TPRX1: variants seen among roughly 807,000 people sequenced by gnomAD.
TPRX1 encodes tetrapeptide repeat homeobox 1.
A neutral mutation model predicts 8.1 loss-of-function variants in TPRX1; 2 were observed. That is an observed-to-expected ratio of 0.25 (90% CI 0.10 to 0.78). The LOEUF (loss-of-function observed/expected upper bound fraction) is 0.78. Among genes scored for constraint, TPRX1 ranks in the 30% least tolerant of loss-of-function variants. The pLI is 0.70. For synonymous variants in TPRX1, 257 were observed against 254.1 expected (o/e 1.01, Z -0.11); for missense variants, 517 against 586.9 (o/e 0.88, Z 1.23).
At position 47,813,264 on chromosome 19, in the gene TPRX1, C is replaced by A. The variant is rs1401695122; in HGVS notation, c.151+5204G>T. On this transcript the variant is annotated intron_variant, in intron 2 of 3. Transcript: ENST00000535759. ...ATCGCTGGAGTCTGGGAGGTTGAGG[C>A]TGCAATGAGCAGTGATTCCCCGACC... is the stretch of plus-strand genomic sequence containing the variant. 2.0e-5 allele frequency among the ~76,000 whole-genome samples: 3 copies of A among 149,308 alleles called. 1 individual carries two copies. Among genetic ancestry groups the A allele is most frequent in the African/African-American group, 7.4e-5 (3 of 40,384 alleles).
At chr19:47,818,623 G>A (rs1053194900) in intron 1 of TPRX1, 3 of 452,124 alleles carry the variant, frequency 6.6e-6, no homozygotes, top group Non-Finnish European at 4.5e-6. Flanking sequence ...AGCTAAGGGG[G>A]TGCAGGTATG....
intron 2 of TPRX1, among the ~76,000 whole-genome samples, chr19:47,808,456 C>T (rs1967754343): frequency 1.3e-5 from 2 of 150,186 alleles, no homozygotes; most frequent in South Asian, 2.1e-4. Context: ...GACCGAGTCT[C>T]GATCTGTCAC....
intron 3 of TPRX1, 87 bp from the exon 3 acceptor site, chr19:47,803,067 C>T: frequency 2.1e-6 from 3 of 1,429,280 alleles, no homozygotes; most frequent in Non-Finnish European, 2.8e-6. Context: ...CAGCCTGAAG[C>T]CTCTCCCTGT....
intron 2 of TPRX1, among the ~76,000 whole-genome samples, chr19:47,811,549 A>G (rs1446876681): frequency 6.9e-6 from 1 of 145,450 alleles, no homozygotes; most frequent in East Asian, 2.0e-4. Context: ...CCCCGGCTAG[A>G]GTACAGTGGC....
chr19:47,813,055 T>C (rs34272872), intron 2 of TPRX1, among the ~76,000 whole-genome samples: 39,847 of 151,204 alleles, frequency 0.26, 5,699 homozygotes, highest in Middle Eastern at 0.36. Context: ...TACAGTGAGA[T>C]GAGCTCACAC....
chr19:47,813,729 C>T (rs1384714748), intron 2 of TPRX1, among the ~76,000 whole-genome samples: 1 of 151,776 alleles, frequency 6.6e-6, no homozygotes, highest in Non-Finnish European at 1.5e-5. Context: ...AAGGAGTTTT[C>T]ATTATATCCT....
rs1316271553 is a variant in TPRX1 at position 47,814,661 on chromosome 19, G to A, written c.151+3807C>T. 5.3e-5 allele frequency among the ~76,000 whole-genome samples: 8 copies of A among 152,250 alleles called. No homozygotes were observed. In the South Asian group the frequency reaches 1.5e-3, roughly 28 times the overall value. ...CCTCAGAGATGACCTGAGGTTTCCT[G>A]AGCTGGGAATGTTTTGGAAGGGTCT... is the stretch of plus-strand genomic sequence containing the variant. On this transcript the variant is annotated intron_variant, in intron 2 of 3. Coordinates refer to ENST00000535759, the Ensembl canonical transcript of TPRX1.
At chr19:47,813,329 A>T (rs1283328701) in intron 2 of TPRX1, among the ~76,000 whole-genome samples, 2 of 152,012 alleles carry the variant, frequency 1.3e-5, no homozygotes, top group East Asian at 3.9e-4. Context: ...CCCTGTCTCA[A>T]CAAACAAACA....
chr19:47,801,989 G>A (rs1293777822), exon 4 of TPRX1: 4 of 1,613,990 alleles, frequency 2.5e-6, no homozygotes, highest in Non-Finnish European at 3.4e-6. Flanking sequence ...CAAGAAGTCG[G>A]AGGCATCGGG....
At chr19:47,804,900 C>T (rs1208229240) in intron 2 of TPRX1, among the ~76,000 whole-genome samples, 1 of 152,204 alleles carries the variant, frequency 6.6e-6, no homozygotes, top group East Asian at 1.9e-4. Flanking sequence ...AGCCAGCCCC[C>T]AGGAGTCATC....
chr19:47,801,837 G>A lies in TPRX1; in HGVS notation c.1465C>T (p.Gln489Ter), dbSNP rs202204190. 1.1e-5 allele frequency: 17 copies of A among 1,614,122 alleles called. No individual in the cohort carries two copies. In the East Asian group the frequency reaches 1.3e-4, roughly 13 times the overall value. The change falls in exon 4 of 4, where the codon CAA becomes TAA. Residue 489 changes from glutamine (Q) to a stop codon, truncating the protein, a stop_gained. Coordinates refer to ENST00000535759, the Ensembl canonical transcript of TPRX1. LOFTEE classifies it low-confidence loss of function (END_TRUNC). The stretch of plus-strand genomic sequence containing the variant: ...TCATTCACAGAGCCACCCTCCTCTT[G>A]GGGCTGAGACCCTGAGTGTTTTTTG...
intron 2 of TPRX1, among the ~76,000 whole-genome samples, chr19:47,814,610 G>C (rs1568617153): frequency 6.6e-6 from 1 of 151,994 alleles, no homozygotes; most frequent in Non-Finnish European, 1.5e-5. Context: ...TGCAAGCATG[G>C]GGGTCTGGAG....
At chr19:47,813,871 C>A (rs1030650458) in intron 2 of TPRX1, among the ~76,000 whole-genome samples, 1 of 150,766 alleles carries the variant, frequency 6.6e-6, no homozygotes, top group African/African-American at 2.4e-5. Flanking sequence ...GCTGGGGAGA[C>A]CCAGGTGCCA....
chr19:47,802,341 G>GGATCGGGACTGGGTTTGGGCCTGA, exon 4 of TPRX1: 1 of 1,191,508 alleles, frequency 8.4e-7, no homozygotes, highest in East Asian at 2.8e-5. Context: ...ATTGGGCCTG[G>GGATCGGGACTGGGTTTGGGCCTGA]GATCGGGCCT....
At chr19:47,803,116 G>T (rs1967697997) in intron 3 of TPRX1, 136 bp from the exon 3 acceptor site, 29 of 801,812 alleles carry the variant, frequency 3.6e-5, no homozygotes, top group Non-Finnish European at 4.9e-5. Flanking sequence ...CCAAAAGAGG[G>T]CCCCGGCTCC....
chr19:47,802,134 T>A, exon 4 of TPRX1: 1 of 1,585,814 alleles, frequency 6.3e-7, no homozygotes, highest in Non-Finnish European at 8.6e-7. Flanking sequence ...GGGCTTCGCA[T>A]CCGGCCAGGA....
chr19:47,815,115 T>TATATATATATATATATATATATATGCAA (rs1568617277), intron 2 of TPRX1, among the ~76,000 whole-genome samples: 59 of 7,396 alleles, frequency 8.0e-3, no homozygotes, highest in African/African-American at 0.026. Context: ...ATAGATAAAT[T>TATATATATATATATATATATATATGCAA]ATATATATAT....
At chr19:47,805,876 A>G (rs1333088354) in intron 2 of TPRX1, among the ~76,000 whole-genome samples, 2 of 152,230 alleles carry the variant, frequency 1.3e-5, no homozygotes, top group Admixed American at 1.3e-4. Flanking sequence ...ATGATTCACT[A>G]TCGCCCAAAA....
chr19:47,813,161 C>A (rs913125561), intron 2 of TPRX1, among the ~76,000 whole-genome samples: 3 of 132,468 alleles, frequency 2.3e-5, no homozygotes, highest in African/African-American at 8.5e-5. Flanking sequence ...AAAACAACCC[C>A]CCCCACCCCG....
Sources: allele counts gnomAD v4.1 joint callset (sites outside exome capture counted in the v4.1 genomes callset), GRCh38; gene constraint gnomAD v4.1.1; transcripts MANE v1.5; gene names NCBI Gene and HGNC (gene_info 2026-07-23, HGNC 2026-07-21).